Variants in MTIF2 observed in about 807,000 individuals in gnomAD.
MTIF2 encodes the protein mitochondrial translational initiation factor 2.
Under a neutral mutation model 83.5 loss-of-function variants are expected in MTIF2, and 71 were observed. The ratio of observed to expected loss-of-function variants is 0.85; its 90% CI spans 0.70 to 1.04. MTIF2 has a LOEUF of 1.04. MTIF2 is among the 50% of genes least tolerant of loss of function. The pLI is 0.00. For missense variants in MTIF2, 957 were observed against 846.5 expected (o/e 1.13, Z -1.62); for synonymous variants, 319 against 287.1 (o/e 1.11, Z -1.12).
At position 55,263,639 on chromosome 2, in the gene MTIF2, C is replaced by G. The variant is rs1346289591; in HGVS notation, c.219+1G>C. The G allele has an allele frequency of 6.3e-7, 1 of 1,588,264 alleles. No homozygotes were observed. ...AAAAAAAAAAAGAAATCTGTAACTA[C>G]CTTTTTTGTTACTAGAAGCCTATAC... is the stretch of plus-strand genomic sequence containing the variant. On this transcript the variant is annotated splice_donor_variant, in intron 4 of 15. Coordinates refer to ENST00000263629, the MANE Select transcript of MTIF2 (RefSeq NM_002453.3). LOFTEE classifies it high-confidence loss of function.
chr2:55,237,649 CTT>C (rs536036933), intron 14 of MTIF2, among the ~76,000 whole-genome samples: 19,056 of 112,114 alleles, frequency 0.17, 627 homozygotes, highest in East Asian at 0.3. Context: ...TTCTTTTTTT[CTT>C]TTTTTTTTTT....
At chr2:55,250,875 G>A (rs919496607) in intron 8 of MTIF2, among the ~76,000 whole-genome samples, 1 of 151,986 alleles carries the variant, frequency 6.6e-6, no homozygotes, top group Non-Finnish European at 1.5e-5. Context: ...CAGGACTTTG[G>A]GAGGTGGGTG....
intron 13 of MTIF2, among the ~76,000 whole-genome samples, chr2:55,242,720 T>C (rs1236250582): frequency 6.6e-6 from 1 of 152,086 alleles, no homozygotes; most frequent in East Asian, 1.9e-4. Flanking sequence ...CTTGAAATAG[T>C]TCCCCAAAAC....
chr2:55,254,975 TA>T, intron 5 of MTIF2, 150 bp from the exon 6 acceptor site: 2 of 435,924 alleles, frequency 4.6e-6, no homozygotes, highest in Non-Finnish European at 7.7e-6. Flanking sequence ...ACAAGGAAGC[TA>T]AAAAATGTTT....
At chr2:55,237,734 T>A (rs1202669520) in intron 14 of MTIF2, among the ~76,000 whole-genome samples, 7 of 129,382 alleles carry the variant, frequency 5.4e-5, no homozygotes, top group African/African-American at 8.7e-5. Context: ...CACTGCAACC[T>A]CCACCTCCGG....
intron 5 of MTIF2, among the ~76,000 whole-genome samples, chr2:55,259,954 T>C (rs780356084): frequency 6.6e-6 from 1 of 151,670 alleles, no homozygotes; most frequent in Non-Finnish European, 1.5e-5. Flanking sequence ...AAAAAAAAAG[T>C]TTTAAAAATC....
chr2:55,261,730 G>A (rs916446070), intron 5 of MTIF2, among the ~76,000 whole-genome samples: 6 of 151,916 alleles, frequency 3.9e-5, no homozygotes, highest in Non-Finnish European at 7.4e-5. Flanking sequence ...CTTGCACCCA[G>A]GAGTTCAAGA....
chr2:55,236,708 T>C lies in MTIF2; in HGVS notation c.2124A>G (p.Arg708=). The part of the protein sequence containing the change: ...EDNMEFQVGD[R]IVCYEEKQIQ... ...TTTGCTTTTCTTCATAACAAACAAT[T>C]CTGTCTCCCACTTGAAATTCCATAT... The change falls in exon 16 of 16, where the codon AGA becomes AGG. Residue 708 remains arginine (R), a synonymous_variant. Coordinates refer to ENST00000263629, the MANE Select transcript of MTIF2 (RefSeq NM_002453.3). The C allele has an allele frequency of 6.2e-7, 1 of 1,608,608 alleles. No homozygotes were observed. Among genetic ancestry groups the C allele is most frequent in the East Asian group, 2.2e-5 (1 of 44,638 alleles).
At chr2:55,257,447 C>T (rs1315564952) in intron 5 of MTIF2, among the ~76,000 whole-genome samples, 1 of 152,166 alleles carries the variant, frequency 6.6e-6, no homozygotes, top group Admixed American at 6.5e-5. Context: ...CGCCACTGCA[C>T]TCCAGCCTGG....
chr2:55,242,807 TGGACTA>T, intron 13 of MTIF2, 127 bp downstream of exon 13: 1 of 848,550 alleles, frequency 1.2e-6, no homozygotes, highest in Non-Finnish European at 1.8e-6. Flanking sequence ...TAGCTGGGAC[TGGACTA>T]TAGCAGGAAG....
chr2:55,254,138 A>G lies in MTIF2; in HGVS notation c.567T>C (p.Val189=). The G allele has an allele frequency of 1.2e-6, 2 of 1,614,192 alleles. No homozygotes were observed. The highest frequency in any genetic ancestry group is 1.7e-6 in the Non-Finnish European group (2 of 1,180,026). ...RSPVVTIMGH[V]DHGKTTLLDK... ...CAAGTAATGTCGTTTTCCCGTGATC[A>G]ACATGGCCCATTATAGTAACAACTG... is the stretch of plus-strand genomic sequence containing the variant. Residue 189 remains valine, a synonymous_variant, in exon 7 of 16, where the codon GTT becomes GTC. Transcript: ENST00000263629.
At chr2:55,255,406 AT>A (rs1377262301) in intron 5 of MTIF2, among the ~76,000 whole-genome samples, 2 of 145,566 alleles carry the variant, frequency 1.4e-5, no homozygotes, top group Non-Finnish European at 3.0e-5. Context: ...ATTATATATA[AT>A]ATATATTTAT....
intron 2 of MTIF2, 119 bp downstream of exon 2, chr2:55,268,459 G>A: frequency 6.6e-6 from 1 of 152,006 alleles, no homozygotes; most frequent in East Asian, 1.9e-4. Context: ...AATGGAGTGG[G>A]AGGAAGGACC....
chr2:55,254,318 T>C (rs902125510), intron 6 of MTIF2, 117 bp from the exon 7 acceptor site: 85 of 1,182,708 alleles, frequency 7.2e-5, no homozygotes, highest in South Asian at 3.0e-4. Flanking sequence ...CAATATTCAG[T>C]GTGGATTAGA....
At chr2:55,239,879 G>T in intron 14 of MTIF2, 132 bp downstream of exon 14, 1 of 707,140 alleles carries the variant, frequency 1.4e-6, no homozygotes, top group East Asian at 2.8e-5. Context: ...GATTCTCATG[G>T]TAGTCATTTT....
intron 14 of MTIF2, 88 bp from the exon 15 acceptor site, chr2:55,237,516 A>T (rs997108445): frequency 1.4e-5 from 18 of 1,299,224 alleles, no homozygotes; most frequent in Non-Finnish European, 1.7e-5. Flanking sequence ...TAAGAATTAA[A>T]GGTATGACAA....
At chr2:55,260,080 G>A (rs936430360) in intron 5 of MTIF2, among the ~76,000 whole-genome samples, 18 of 152,226 alleles carry the variant, frequency 1.2e-4, no homozygotes, top group African/African-American at 4.3e-4. Context: ...TAAAATGACT[G>A]AATAATCCAT....
At chr2:55,257,112 T>C (rs1573903588) in intron 5 of MTIF2, among the ~76,000 whole-genome samples, 1 of 152,170 alleles carries the variant, frequency 6.6e-6, no homozygotes, top group Non-Finnish European at 1.5e-5. Context: ...AATGTATCTG[T>C]GATGATAATG....
chr2:55,238,389 G>GTTT lies in MTIF2; in HGVS notation c.1871-964_1871-962dup, dbSNP rs34278300. 7.2e-3 allele frequency among the ~76,000 whole-genome samples: 841 copies of GTTT among 117,418 alleles called. 25 individuals carry two copies. The highest frequency in any genetic ancestry group is 0.031 in the East Asian group (123 of 3,996). The allele number at this position is 117,418 out of a possible 152,430, so 77.0% of individuals were successfully genotyped here. On this transcript the variant is annotated intron_variant, in intron 14 of 15. Coordinates refer to ENST00000263629, the MANE Select transcript of MTIF2 (RefSeq NM_002453.3). ...ACTAATTCTACTAATTCTGAGCCTG[G>GTTT]TTTTTTTTTTTTTTTTTTGAGATGG...
Sources: allele counts gnomAD v4.1 joint callset (sites outside exome capture counted in the v4.1 genomes callset), GRCh38; gene constraint gnomAD v4.1.1; transcripts MANE v1.5; gene names NCBI Gene and HGNC (gene_info 2026-07-23, HGNC 2026-07-21).